The following VRK3 variants were observed in gnomAD, a reference collection of about 807,000 sequenced individuals.
VRK3 encodes serine/threonine-protein kinase VRK3.
VRK3 carries 50 observed loss-of-function variants against 60.4 expected under a neutral mutation model. The observed-to-expected ratio is 0.83, with a 90% CI of 0.66 to 1.05. The LOEUF is 1.05. Ranked by LOEUF, VRK3 falls within the 50% of genes least tolerant of loss-of-function variation. The pLI is 0.00. For synonymous variants in VRK3, 246 were observed against 227.8 expected (o/e 1.08, Z -0.72); for missense variants, 549 against 585.3 (o/e 0.94, Z 0.64).
chr19:49,992,794 A>C, intron 10 of VRK3, 66 bp downstream of exon 10: 1 of 1,448,014 alleles, frequency 6.9e-7, no homozygotes, highest in Non-Finnish European at 9.7e-7. Context: ...AAATAAATAG[A>C]GATTTGGAGA....
rs756047512 is a variant in VRK3, at chr19:50,000,870, C to A, written c.548-16G>T. On this transcript the variant is annotated splice_polypyrimidine_tract_variant and intron_variant, in intron 5 of 14. Coordinates refer to ENST00000316763, the MANE Select transcript of VRK3 (RefSeq NM_016440.4). ...GTGGGTGCAGCTGTGGGGGAACAAA[C>A]AAGGGAGTGAGGTTATAACCACGCG... 8 of 1,612,450 alleles carry A rather than the reference C, an allele frequency of 5.0e-6. No homozygotes were observed. The highest frequency in any genetic ancestry group is 3.3e-5 in the South Asian group (3 of 90,868).
chr19:50,005,971 T>C (rs1205208518), intron 5 of VRK3, among the ~76,000 whole-genome samples: 1 of 148,994 alleles, frequency 6.7e-6, no homozygotes, highest in Non-Finnish European at 1.5e-5. Context: ...CTGAATATCC[T>C]GAAGGCCACT....
chr19:49,977,429 G>A (rs2076349409), intron 14 of VRK3, among the ~76,000 whole-genome samples: 1 of 152,114 alleles, frequency 6.6e-6, no homozygotes. Flanking sequence ...ACCCTGGGAG[G>A]TTGTCAGGTG....
intron 9 of VRK3, 140 bp from the exon 10 acceptor site, chr19:49,993,092 C>A (rs768689931): frequency 5.9e-6 from 4 of 682,644 alleles, no homozygotes; most frequent in Non-Finnish European, 9.8e-6. Context: ...TGACTAAATC[C>A]GGGGTAGCAT....
chr19:49,995,775 G>GA (rs1219588789), intron 7 of VRK3, among the ~76,000 whole-genome samples: 1 of 152,042 alleles, frequency 6.6e-6, no homozygotes, highest in Non-Finnish European at 1.5e-5. Context: ...TTGAGACGAA[G>GA]TTTTGCTCTG....
intron 10 of VRK3, 140 bp downstream of exon 10, chr19:49,992,720 A>C (rs910025281): frequency 2.3e-5 from 16 of 708,092 alleles, no homozygotes; most frequent in Non-Finnish European, 3.7e-5. Context: ...TGCTTATCTT[A>C]TTTATTTGAA....
rs1254280337 is a variant in VRK3 at position 49,993,385 on chromosome 19, C to CT, written c.871-434dup. ...CAGCTGTCCCTATGAGCTCCAGACT[C>CT]TTTTTTTGCTGTGTGTATATATATA... On this transcript the variant is annotated intron_variant, in intron 9 of 14. Transcript: ENST00000316763. Among the ~76,000 whole-genome samples the CT allele has an allele frequency of 3.3e-5, 5 of 151,978 alleles. No homozygotes were observed. The South Asian group carries it at 1.1e-3, about 32-fold the overall frequency.
intron 3 of VRK3, among the ~76,000 whole-genome samples, chr19:50,013,060 G>A (rs1000469227): frequency 2.9e-4 from 44 of 151,888 alleles, no homozygotes; most frequent in African/African-American, 8.7e-4. Flanking sequence ...CCAGCTACTC[G>A]GGAGGCTAAG....
chr19:50,021,470 G>A, intron 1 of VRK3, among the ~76,000 whole-genome samples: 1 of 152,208 alleles, frequency 6.6e-6, no homozygotes, highest in East Asian at 1.9e-4. Context: ...GCAGCCTAAA[G>A]TAGCCCAGGC....
intron 12 of VRK3, among the ~76,000 whole-genome samples, chr19:49,985,043 G>C (rs1034440328): frequency 1.6e-4 from 25 of 152,210 alleles, no homozygotes; most frequent in African/African-American, 5.8e-4. Context: ...CCTTGGGACT[G>C]TTAGTGAGAG....
chr19:50,017,053 G>A (rs934867492), intron 2 of VRK3, among the ~76,000 whole-genome samples: 2 of 152,096 alleles, frequency 1.3e-5, no homozygotes, highest in Non-Finnish European at 2.9e-5. Context: ...AATTAGCTAG[G>A]TGTGGTGGCA....
At chr19:50,002,205 G>GT (rs1170905200) in intron 5 of VRK3, among the ~76,000 whole-genome samples, 1 of 152,028 alleles carries the variant, frequency 6.6e-6, no homozygotes, top group Non-Finnish European at 1.5e-5. Context: ...ATCGAGGCTG[G>GT]TATCGTCTAA....
chr19:50,008,426 G>A (rs2122451216), intron 4 of VRK3, among the ~76,000 whole-genome samples: 1 of 152,250 alleles, frequency 6.6e-6, no homozygotes, highest in South Asian at 2.1e-4. Context: ...ATCCCCTAAA[G>A]GCAAGTAATG....
chr19:50,008,752 G>A (rs2076944746), intron 4 of VRK3: 1 of 152,962 alleles, frequency 6.5e-6, no homozygotes, highest in Admixed American at 6.5e-5. Context: ...GGCGGACGAT[G>A]AGGAGGTCTG....
intron 12 of VRK3, among the ~76,000 whole-genome samples, chr19:49,987,266 G>C (rs1480738580): frequency 6.6e-6 from 1 of 152,048 alleles, no homozygotes; most frequent in Non-Finnish European, 1.5e-5. Flanking sequence ...TACCCACAGC[G>C]CTTCCCTTTT....
intron 10 of VRK3, among the ~76,000 whole-genome samples, chr19:49,990,724 T>C (rs1443957273): frequency 6.6e-6 from 1 of 151,466 alleles, no homozygotes; most frequent in Non-Finnish European, 1.5e-5. Flanking sequence ...AAGACCTATA[T>C]ACACTTCCCC....
At chr19:50,003,893 T>C (rs566544410) in intron 5 of VRK3, among the ~76,000 whole-genome samples, 2 of 152,326 alleles carry the variant, frequency 1.3e-5, no homozygotes, top group African/African-American at 4.8e-5. Flanking sequence ...CATGAAATGG[T>C]AGGTGCTGCT....
chr19:49,995,833 C>G (rs946033027), intron 7 of VRK3, among the ~76,000 whole-genome samples: 11 of 152,354 alleles, frequency 7.2e-5, no homozygotes, highest in African/African-American at 2.6e-4. Flanking sequence ...ACTGCAACCT[C>G]CGCTTCCTGA....
At chr19:49,991,426 T>C (rs894984189) in intron 10 of VRK3, among the ~76,000 whole-genome samples, 2 of 152,084 alleles carry the variant, frequency 1.3e-5, no homozygotes, top group Non-Finnish European at 2.9e-5. Flanking sequence ...ACTTACATCA[T>C]TGGCTCTCCT....
Sources: allele counts gnomAD v4.1 joint callset (sites outside exome capture counted in the v4.1 genomes callset), GRCh38; gene constraint gnomAD v4.1.1; transcripts MANE v1.5; gene names NCBI Gene and HGNC (gene_info 2026-07-23, HGNC 2026-07-21).